Variants in ZNF609 observed in about 807,000 individuals in gnomAD.
The protein encoded by ZNF609 is zinc finger protein 609.
ZNF609 carries 11 observed loss-of-function variants against 109.5 expected under a neutral mutation model. That is an observed-to-expected ratio of 0.10 (90% CI 0.06 to 0.17). The LOEUF is 0.17. Among genes scored for constraint, ZNF609 ranks in the 10% least tolerant of loss-of-function variants. ZNF609 has a pLI of 1.00. For synonymous variants in ZNF609, 646 were observed against 662.0 expected (o/e 0.98, Z 0.37); for missense variants, 1,559 against 1,772.4 (o/e 0.88, Z 2.16).
intron 1 of ZNF609, among the ~76,000 whole-genome samples, chr15:64,476,156 A>G (rs1366665711): frequency 6.6e-6 from 1 of 152,208 alleles, no homozygotes; most frequent in African/African-American, 2.4e-5. Context: ...TGCTAGGGCA[A>G]TATAGGCATT....
At chr15:64,493,475 A>C (rs1647510437) in intron 1 of ZNF609, among the ~76,000 whole-genome samples, 1 of 152,202 alleles carries the variant, frequency 6.6e-6, no homozygotes, top group Non-Finnish European at 1.5e-5. Flanking sequence ...TTTTTTAAGC[A>C]GGAGTGCTTT....
At chr15:64,493,162 T>C (rs1893437710) in intron 1 of ZNF609, among the ~76,000 whole-genome samples, 1 of 152,108 alleles carries the variant, frequency 6.6e-6, no homozygotes, top group Non-Finnish European at 1.5e-5. Context: ...TTTGAAGCCT[T>C]CTTGGATGGA....
In ZNF609 at chr15:64,539,319, T is replaced by G. The variant is rs546479255; in HGVS notation, c.747+39153T>G. Among the ~76,000 whole-genome samples, 56 of 151,748 alleles carry G rather than the reference T, an allele frequency of 3.7e-4. 1 individual carries two copies. The highest frequency in any genetic ancestry group is 1.2e-3 in the African/African-American group (51 of 41,380). On this transcript the variant is annotated intron_variant, in intron 2 of 9. Coordinates refer to ENST00000326648, the MANE Select transcript of ZNF609 (RefSeq NM_015042.2). ...ACCTCCCAGGTTCACCCCATTCTCC[T>G]GCCTCAGCCTCCCAAGTAGCTGGGA...
intron 2 of ZNF609, among the ~76,000 whole-genome samples, chr15:64,516,210 C>A (rs1893806056): frequency 6.6e-6 from 1 of 152,164 alleles, no homozygotes. Context: ...TATCTAATAA[C>A]CTGAAGCAGA....
chr15:64,512,939 C>A (rs1349787700), intron 2 of ZNF609, among the ~76,000 whole-genome samples: 2 of 151,984 alleles, frequency 1.3e-5, no homozygotes, highest in African/African-American at 2.4e-5. Flanking sequence ...AGGTAATAAG[C>A]AAGCAAACTC....
intron 2 of ZNF609, among the ~76,000 whole-genome samples, chr15:64,605,902 C>CTTTTT (rs10542161): frequency 1.8e-4 from 13 of 70,694 alleles, no homozygotes; most frequent in South Asian, 6.8e-4. Context: ...CCCGGCTAAT[C>CTTTTT]TTTTTTTTTT....
intron 7 of ZNF609, 103 bp from the exon 8 acceptor site, chr15:64,680,543 G>T (rs1896868541): frequency 1.4e-5 from 18 of 1,282,096 alleles, no homozygotes; most frequent in Non-Finnish European, 1.8e-5. Context: ...TCATAAGGTG[G>T]CACCCTGGGC....
rs1340054129 is a variant in ZNF609, at chr15:64,593,179, G to A, written c.748-29648G>A. ...TCGATGCCTATGTGCTTCCCAAGCT[G>A]TATGTGAAGCTGCATTACTGTGTGA... On this transcript the variant is annotated intron_variant, in intron 2 of 9. Transcript: ENST00000326648. The A allele has an allele frequency of 1.2e-5, 18 of 1,533,690 alleles. No individual in the cohort carries two copies. The East Asian group carries it at 4.0e-4, about 34-fold the overall frequency.
At chr15:64,652,453 C>A (rs1896433007) in intron 3 of ZNF609, among the ~76,000 whole-genome samples, 1 of 147,782 alleles carries the variant, frequency 6.8e-6, no homozygotes, top group Non-Finnish European at 1.5e-5. Context: ...GTGGTATGAT[C>A]ACAGCTCACT....
At chr15:64,491,462 C>G (rs184350549) in intron 1 of ZNF609, among the ~76,000 whole-genome samples, 3 of 152,296 alleles carry the variant, frequency 2.0e-5, no homozygotes, top group South Asian at 4.1e-4. Flanking sequence ...GTAAACCTCA[C>G]ACAGTTTATA....
intron 2 of ZNF609, among the ~76,000 whole-genome samples, chr15:64,556,955 G>A (rs527656864): frequency 2.0e-5 from 3 of 152,030 alleles, no homozygotes; most frequent in Admixed American, 6.6e-5. Context: ...ATTAAAAACC[G>A]TAAAGAGGAA....
At chr15:64,558,536 A>G (rs1201818252) in intron 2 of ZNF609, among the ~76,000 whole-genome samples, 1 of 152,186 alleles carries the variant, frequency 6.6e-6, no homozygotes, top group African/African-American at 2.4e-5. Flanking sequence ...CTTAGAGTTT[A>G]TATCTTCCTT....
intron 2 of ZNF609, among the ~76,000 whole-genome samples, chr15:64,504,032 C>G (rs1388018938): frequency 2.6e-5 from 4 of 152,202 alleles, no homozygotes; most frequent in African/African-American, 9.7e-5. Flanking sequence ...TGATCCAAGG[C>G]TTTCTTAACG....
intron 2 of ZNF609, among the ~76,000 whole-genome samples, chr15:64,603,254 T>G (rs566329908): frequency 6.6e-6 from 1 of 151,346 alleles, no homozygotes; most frequent in African/African-American, 2.4e-5. Flanking sequence ...TTGACTTGAG[T>G]CAGTCACTGA....
At chr15:64,631,398 A>G in intron 3 of ZNF609, 1 of 728,022 alleles carries the variant, frequency 1.4e-6, no homozygotes, top group Non-Finnish European at 2.5e-6. Context: ...GGGACACTGT[A>G]GACTCTTCCA....
At chr15:64,627,429 C>G (rs1437117067) in intron 3 of ZNF609, among the ~76,000 whole-genome samples, 5 of 152,018 alleles carry the variant, frequency 3.3e-5, no homozygotes, top group Admixed American at 6.6e-5. Context: ...TAGCACTAAC[C>G]CAAAGGCCAA....
At chr15:64,609,393 G>A (rs1012499939) in intron 2 of ZNF609, among the ~76,000 whole-genome samples, 1 of 151,682 alleles carries the variant, frequency 6.6e-6, no homozygotes, top group Non-Finnish European at 1.5e-5. Context: ...TTGTTAGCCA[G>A]GATGGTCTTG....
In ZNF609 at chr15:64,624,323, A is replaced by G. The variant is rs143906263; in HGVS notation, c.973+1271A>G. Among the ~76,000 whole-genome samples the G allele has an allele frequency of 8.7e-4, 132 of 152,282 alleles. 1 individual carries two copies. The highest frequency in any genetic ancestry group is 3.0e-3 in the African/African-American group (124 of 41,572). ...TACAATATACAATCTGAAAATCACA[A>G]AGTGGCTATCTGATTTTTAAAATGT... On this transcript the variant is annotated intron_variant, in intron 3 of 9. Coordinates refer to ENST00000326648, the MANE Select transcript of ZNF609 (RefSeq NM_015042.2).
intron 3 of ZNF609, among the ~76,000 whole-genome samples, chr15:64,637,476 G>A (rs569391687): frequency 6.6e-6 from 1 of 152,296 alleles, no homozygotes; most frequent in African/African-American, 2.4e-5. Flanking sequence ...TTCCCAAAAT[G>A]TGTAAACCAA....
Sources: allele counts gnomAD v4.1 joint callset (sites outside exome capture counted in the v4.1 genomes callset), GRCh38; gene constraint gnomAD v4.1.1; transcripts MANE v1.5; gene names NCBI Gene and HGNC (gene_info 2026-07-23, HGNC 2026-07-21).